Variants in GMPS observed in about 807,000 individuals in gnomAD.
The protein encoded by GMPS is GMP synthase [glutamine-hydrolyzing].
Under a neutral mutation model 77.9 loss-of-function variants are expected in GMPS, and 15 were observed. The ratio of observed to expected loss-of-function variants is 0.19; its 90% confidence interval spans 0.13 to 0.30. GMPS has a LOEUF of 0.30. Ranked by LOEUF, GMPS falls within the 10% of genes least tolerant of loss-of-function variation. GMPS has a pLI of 1.00. For missense variants in GMPS, 590 were observed against 838.8 expected, an observed-to-expected ratio of 0.70 and a Z score of 3.66; for synonymous variants, 224 against 275.9, an observed-to-expected ratio of 0.81 and a Z score of 1.86.
intron 5 of GMPS, among the ~76,000 whole-genome samples, chr3:155,906,815 C>T (rs1183622096): frequency 1.3e-5 from 2 of 151,990 alleles, no homozygotes; most frequent in African/African-American, 2.4e-5. Flanking sequence ...GCACAGAGCC[C>T]AAACTATTTA....
chr3:155,894,714 G>A (rs1311377649), intron 2 of GMPS, among the ~76,000 whole-genome samples: 3 of 152,138 alleles, frequency 2.0e-5, no homozygotes, highest in African/African-American at 4.8e-5. Context: ...TGTGAAAGTG[G>A]TTAAAAGAAC....
chr3:155,915,942 A>G (rs1755166193), intron 8 of GMPS, 77 bp from the exon 9 acceptor site: 1 of 905,718 alleles, frequency 1.1e-6, no homozygotes, highest in South Asian at 1.7e-5. Flanking sequence ...ACTCTAAGAG[A>G]TTTAGCTGAA....
intron 1 of GMPS, among the ~76,000 whole-genome samples, chr3:155,888,690 A>G (rs571732076): frequency 1.3e-5 from 2 of 151,910 alleles, no homozygotes; most frequent in East Asian, 1.9e-4. Context: ...GGTTTGAGCA[A>G]TTCTCCTGCC....
intron 1 of GMPS, among the ~76,000 whole-genome samples, chr3:155,885,738 G>A (rs1178656833): frequency 6.6e-6 from 1 of 152,174 alleles, no homozygotes; most frequent in East Asian, 1.9e-4. Context: ...TTGGATTAAG[G>A]ATGTTTAACC....
chr3:155,903,580 G>T lies in GMPS; in HGVS notation c.325-283G>T, dbSNP rs1314667560. On this transcript the variant is annotated intron_variant, in intron 3 of 15. Coordinates refer to ENST00000496455, the MANE Select transcript of GMPS (RefSeq NM_003875.3). ...AAGATATCTCTATTTTTAAGCAGAT[G>T]AATTCATTAAAGTACACTAAGTGGA... Among the ~76,000 whole-genome samples, 3 of 152,150 alleles carry T rather than the reference G, an allele frequency of 2.0e-5. No individual in the cohort carries two copies. In the East Asian group the frequency reaches 5.8e-4, roughly 29 times the overall value.
At chr3:155,935,286 G>A (rs1025282198) in intron 14 of GMPS, among the ~76,000 whole-genome samples, 11 of 152,152 alleles carry the variant, frequency 7.2e-5, no homozygotes, top group Admixed American at 3.3e-4. Context: ...TGTTACAAGT[G>A]ATTCTCCTGC....
chr3:155,893,444 T>A, intron 1 of GMPS, 74 bp from the exon 2 acceptor site: 1 of 940,466 alleles, frequency 1.1e-6, no homozygotes, highest in Non-Finnish European at 1.6e-6. Context: ...CTGACAGTGA[T>A]CATTAATTTT....
rs984204024 is a variant in GMPS, at chr3:155,943,764, A to G, written c.*6072A>G. 1.3e-5 allele frequency: 2 copies of G among 159,642 alleles called. No homozygotes were observed. The highest frequency in any genetic ancestry group is 6.5e-5 in the Admixed American group (1 of 15,422). 9.9% of individuals were successfully genotyped at this position (159,642 alleles called of 1,614,324 possible). On this transcript the variant is annotated 3_prime_UTR_variant, in exon 16 of 16. Transcript: ENST00000496455. ...AATTTGTCATGAAGCTTCCGTGTTTATGAGAAATTCCAAGAAGTAAGAGCC... is the reference window on the plus strand; with the variant it reads ...AATTTGTCATGAAGCTTCCGTGTTTGTGAGAAATTCCAAGAAGTAAGAGCC...
chr3:155,930,161 G>C (rs1188499167), intron 12 of GMPS, among the ~76,000 whole-genome samples: 2 of 144,428 alleles, frequency 1.4e-5, no homozygotes, highest in Admixed American at 7.0e-5. Context: ...CCAAAACAGA[G>C]ATATAGATCA....
intron 1 of GMPS, among the ~76,000 whole-genome samples, chr3:155,885,026 C>CA (rs1350651692): frequency 6.6e-6 from 1 of 152,124 alleles, no homozygotes; most frequent in Non-Finnish European, 1.5e-5. Context: ...AAGCTGCAGT[C>CA]AGAGGTACAA....
chr3:155,878,325 T>A (rs2108049831), intron 1 of GMPS, among the ~76,000 whole-genome samples: 1 of 152,390 alleles, frequency 6.6e-6, no homozygotes, highest in South Asian at 2.1e-4. Flanking sequence ...TCTTGTAGCA[T>A]GTATAAGTAC....
In GMPS at chr3:155,897,978, C is replaced by G; in HGVS notation, c.261C>G (p.Pro87=). The change falls in exon 3 of 16, where the codon CCC becomes CCG. Residue 87 remains proline (P), a synonymous_variant. Coordinates refer to ENST00000496455, the MANE Select transcript of GMPS (RefSeq NM_003875.3). ...GPNSVYAEDA[P]WFDPAIFTIG... is the part of the protein sequence containing the mutation. The stretch of plus-strand genomic sequence containing the variant: ...ATTCTGTGTATGCTGAAGATGCTCC[C>G]TGGTTTGATCCAGCAATATTCACTA... 1.2e-6 allele frequency: 2 copies of G among 1,611,508 alleles called. No homozygotes were observed. The highest frequency in any genetic ancestry group is 1.7e-6 in the Non-Finnish European group (2 of 1,177,670).
At chr3:155,905,419 A>G (rs1329725425) in intron 4 of GMPS, among the ~76,000 whole-genome samples, 1 of 152,166 alleles carries the variant, frequency 6.6e-6, no homozygotes, top group Non-Finnish European at 1.5e-5. Flanking sequence ...ATTACATTTG[A>G]TTAATGTTAC....
Position 155,903,927 on chromosome 3 carries a change from A to G in GMPS, c.389A>G (p.Asn130Ser). 6.6e-7 allele frequency: 1 copy of G among 1,526,428 alleles called. No individual in the cohort carries two copies. The highest frequency in any genetic ancestry group is 9.0e-7 in the Non-Finnish European group (1 of 1,112,786). 94.6% of individuals were successfully genotyped at this position (1,526,428 alleles called of 1,614,324 possible). A position where few individuals can be genotyped will look rare whatever the true frequency, so the allele number is the denominator to read the frequency against. The change falls in exon 4 of 16, where the codon AAC (asparagine) becomes AGC (serine). Residue 130 changes from asparagine (N) to serine (S), a missense_variant. Asn to Ser is a conservative substitution (Grantham distance 46). Coordinates refer to ENST00000496455, the MANE Select transcript of GMPS (RefSeq NM_003875.3). ...KKSVREDGVFNISVDNTCSLF... is the reference protein window; with the variant it reads ...KKSVREDGVFSISVDNTCSLF... ...AGTGTCAGAGAAGATGGAGTTTTCA[A>G]CATTAGTGTGGATAATACATGTTCA... is the stretch of plus-strand genomic sequence containing the variant.
rs779246377 is a variant in GMPS, at chr3:155,943,092, T to C, written c.*5400T>C. The C allele has an allele frequency of 5.7e-5, 10 of 175,534 alleles. No individual in the cohort carries two copies. Among genetic ancestry groups the C allele is most frequent in the Non-Finnish European group, 9.8e-5 (8 of 81,596 alleles). The allele number at this position is 175,534 out of a possible 1,614,324, so 10.9% of individuals were successfully genotyped here. On this transcript the variant is annotated 3_prime_UTR_variant, in exon 16 of 16. Transcript: ENST00000496455. ...CTAAAAATGTAAAAATTAGCTGGGC[T>C]TGGTGGCGCGCGCCTGTAATCCCAG...
chr3:155,903,825 T>C (rs774244545), intron 3 of GMPS, 38 bp from the exon 4 acceptor site: 7 of 854,362 alleles, frequency 8.2e-6, no homozygotes, highest in Non-Finnish European at 1.3e-5. Flanking sequence ...GTATTTTTCT[T>C]TTGATTTCTA....
intron 1 of GMPS, 53 bp from the exon 2 acceptor site, chr3:155,893,465 C>T: frequency 8.3e-7 from 1 of 1,211,614 alleles, no homozygotes; most frequent in East Asian, 2.5e-5. Flanking sequence ...TTTTTAAGTA[C>T]TGTAGCTTTA....
intron 8 of GMPS, among the ~76,000 whole-genome samples, chr3:155,915,341 G>T (rs1021808839): frequency 6.6e-6 from 1 of 150,816 alleles, no homozygotes. Flanking sequence ...GGGTTCAAGC[G>T]ATTCTCCTGC....
rs1755904456 is a variant in GMPS, at chr3:155,942,064, G to A, written c.*4372G>A. 5.0e-6 allele frequency: 1 copy of A among 201,022 alleles called. No homozygotes were observed. Among genetic ancestry groups the A allele is most frequent in the Admixed American group, 6.0e-5 (1 of 16,664 alleles). 12.5% of individuals were successfully genotyped at this position (201,022 alleles called of 1,614,324 possible). A position where few individuals can be genotyped will look rare whatever the true frequency, so the allele number is the denominator to read the frequency against. On this transcript the variant is annotated 3_prime_UTR_variant, in exon 16 of 16. Coordinates refer to ENST00000496455, the MANE Select transcript of GMPS (RefSeq NM_003875.3). ...GTCCAATTAAATAAAATTAGAATCT[G>A]GAGGAGGTAGAACTCAAGCATTTAC...
Sources: allele counts gnomAD v4.1 joint callset (sites outside exome capture counted in the v4.1 genomes callset), GRCh38; gene constraint gnomAD v4.1.1; transcripts MANE v1.5; gene names NCBI Gene and HGNC (gene_info 2026-07-23, HGNC 2026-07-21).